The following PRKDC variants were observed in gnomAD, a reference collection of about 807,000 sequenced individuals.
The protein encoded by PRKDC is DNA-dependent protein kinase catalytic subunit.
PRKDC carries 82 observed loss-of-function variants against 486.9 expected under a neutral mutation model. The observed-to-expected ratio is 0.17, with a 90% CI of 0.14 to 0.20. The LOEUF is 0.20. Among genes scored for constraint, PRKDC ranks in the 10% least tolerant of loss-of-function variants. The probability of loss-of-function intolerance (pLI) is 1.00; values close to 1 mark genes in which losing one functional copy is unlikely to be tolerated. For synonymous variants in PRKDC, 1,895 were observed against 1,837.0 expected (o/e 1.03, Z -0.81); for missense variants, 4,504 against 5,038.2 (o/e 0.89, Z 3.21).
At position 47,790,132 on chromosome 8, in the gene PRKDC, C is replaced by A. The variant is rs2086860347; in HGVS notation, c.10671-894G>T. Among the ~76,000 whole-genome samples the A allele has an allele frequency of 2.6e-5, 4 of 152,272 alleles. 1 individual carries two copies. The South Asian group carries it at 8.3e-4, about 32-fold the overall frequency. On this transcript the variant is annotated intron_variant, in intron 74 of 85. Transcript: ENST00000314191. ...GAAGAAGTCAAATTATCCTTGCTTG[C>A]AGATGATACGATCTTATATTTGGAG...
At chr8:47,933,421 C>T (rs973099388) in intron 15 of PRKDC, among the ~76,000 whole-genome samples, 1 of 152,136 alleles carries the variant, frequency 6.6e-6, no homozygotes, top group Admixed American at 6.5e-5. Flanking sequence ...CTGTATACAG[C>T]AGTAAGTGAG....
At chr8:47,832,084 T>C (rs1488992234) in intron 59 of PRKDC, among the ~76,000 whole-genome samples, 158 bp from the exon 60 acceptor site, 1 of 152,162 alleles carries the variant, frequency 6.6e-6, no homozygotes, top group Non-Finnish European at 1.5e-5. Flanking sequence ...CAACTGGAAC[T>C]GCTCAGCAGT....
At chr8:47,935,924 G>A (rs375949104) in intron 12 of PRKDC, 24 bp from the exon 13 acceptor site, 42 of 1,598,538 alleles carry the variant, frequency 2.6e-5, no homozygotes, top group African/African-American at 9.4e-5. Flanking sequence ...TCAGCAAACC[G>A]TGAGTTAGAG....
chr8:47,855,895 C>T (rs1474473542), intron 49 of PRKDC, among the ~76,000 whole-genome samples: 2 of 152,212 alleles, frequency 1.3e-5, no homozygotes, highest in African/African-American at 4.8e-5. Flanking sequence ...GAGTCTCCCT[C>T]CAGTGTTAGC....
chr8:47,857,932 C>G (rs1055786743), intron 48 of PRKDC, among the ~76,000 whole-genome samples: 1 of 152,136 alleles, frequency 6.6e-6, no homozygotes, highest in Admixed American at 6.5e-5. Flanking sequence ...TCTGGATGGC[C>G]TGGCCTGGCT....
At chr8:47,841,009 G>A (rs1274134290) in intron 54 of PRKDC, among the ~76,000 whole-genome samples, 1 of 152,204 alleles carries the variant, frequency 6.6e-6, no homozygotes, top group Admixed American at 6.5e-5. Context: ...AGACACTGAG[G>A]CTGAAGAGGG....
At position 47,782,366 on chromosome 8, in the gene PRKDC, C is replaced by T. The variant is rs751762345; in HGVS notation, c.11396+12G>A. The T allele has an allele frequency of 1.2e-6, 2 of 1,606,990 alleles. No homozygotes were observed. The highest frequency in any genetic ancestry group is 2.7e-5 in the African/African-American group (2 of 74,844). ...GCAGCAGCCTACTGGCTGGGAGCAG[C>T]CTGGCAGTTACCTGGAGGTCATGGG... On this transcript the variant is annotated intron_variant, in intron 79 of 85. Transcript: ENST00000314191. This position sits in a 1 kb window ranked among gnomAD's most constrained non-coding sequence, Gnocchi z 4.9.
chr8:47,824,999 C>A (rs1379696313), intron 63 of PRKDC, among the ~76,000 whole-genome samples: 1 of 152,128 alleles, frequency 6.6e-6, no homozygotes, highest in Non-Finnish European at 1.5e-5. Flanking sequence ...TCAATAAAAT[C>A]TAGTAGATGC....
At chr8:47,817,378 G>A in intron 68 of PRKDC, 72 bp downstream of exon 68, 3 of 1,095,432 alleles carry the variant, frequency 2.7e-6, no homozygotes, top group Non-Finnish European at 4.0e-6. Context: ...TCTAAACCAT[G>A]GTTTGGAAGA....
rs776141589 is a variant in PRKDC at position 47,864,590 on chromosome 8, T to A, written c.5537A>T (p.Asp1846Val). The stretch of plus-strand genomic sequence containing the variant: ...CCTGGACTTCAACACATCAATGGCA[T>A]CCACCACAATTGTGCTGAAGAATTC... ...LREFFSTIVV[D>V]AIDVLKSRFT... The change falls in exon 41 of 86, where the codon GAT becomes GTT. Residue 1846 changes from aspartate (D) to valine (V), a missense_variant. This residue lies in a region of PRKDC where 1,969 missense variants were observed against 2,068.9 expected (regional missense o/e 0.95). Transcript: ENST00000314191. 21 of 1,610,250 alleles carry A rather than the reference T, an allele frequency of 1.3e-5. No homozygotes were observed. Among genetic ancestry groups the A allele is most frequent in the Non-Finnish European group, 9.3e-6 (11 of 1,178,684 alleles).
intron 58 of PRKDC, among the ~76,000 whole-genome samples, chr8:47,835,620 C>CCA (rs1554631910): frequency 5.9e-4 from 12 of 20,478 alleles, no homozygotes; most frequent in African/African-American, 1.9e-3. Context: ...GACTCTGTCT[C>CCA]AAAAAAAAAA....
At chr8:47,839,864 C>T (rs1011752808) in intron 55 of PRKDC, among the ~76,000 whole-genome samples, 152 bp downstream of exon 55, 7 of 152,302 alleles carry the variant, frequency 4.6e-5, no homozygotes, top group Non-Finnish European at 8.8e-5. Flanking sequence ...GACCCAGCTA[C>T]GCAAAAGGCT....
intron 27 of PRKDC, among the ~76,000 whole-genome samples, chr8:47,901,496 T>A (rs1231439908): frequency 6.6e-6 from 1 of 151,408 alleles, no homozygotes; most frequent in African/African-American, 2.4e-5. Context: ...CAAAAAAAAA[T>A]AGAAAAGAAA....
At position 47,840,123 on chromosome 8, in the gene PRKDC, T is replaced by C. The variant is rs778083975; in HGVS notation, c.7347A>G (p.Val2449=). ...IYKMMPKLKP[V]ELRELLNPVV... ...CGGGGTTCAGAAGTTCTCGGAGTTCTACTGGTTTTAACTTTGGCATCATCT... is the reference window on the plus strand; with the variant it reads ...CGGGGTTCAGAAGTTCTCGGAGTTCCACTGGTTTTAACTTTGGCATCATCT... The change falls in exon 55 of 86, where the codon GTA becomes GTG. Residue 2449 remains valine, a synonymous_variant. Transcript: ENST00000314191. 5.3e-5 allele frequency: 84 copies of C among 1,597,194 alleles called. No homozygotes were observed. The East Asian group carries it at 1.8e-3, about 35-fold the overall frequency.
chr8:47,842,037 A>T (rs993817542), intron 54 of PRKDC, among the ~76,000 whole-genome samples: 1 of 152,062 alleles, frequency 6.6e-6, no homozygotes, highest in Non-Finnish European at 1.5e-5. Context: ...CCAGAGACAT[A>T]CCCCACAACC....
intron 30 of PRKDC, 145 bp from the exon 31 acceptor site, chr8:47,893,532 G>C: frequency 1.2e-6 from 1 of 856,976 alleles, no homozygotes. Flanking sequence ...TTACTTCCAA[G>C]AAGGTATTTC....
At chr8:47,841,264 C>T (rs2088136088) in intron 54 of PRKDC, among the ~76,000 whole-genome samples, 1 of 152,202 alleles carries the variant, frequency 6.6e-6, no homozygotes, top group East Asian at 1.9e-4. Context: ...TGTGGAGCAG[C>T]TCCAGCAAAT....
At chr8:47,889,787 G>A (rs1314952438) in intron 32 of PRKDC, among the ~76,000 whole-genome samples, 2 of 152,182 alleles carry the variant, frequency 1.3e-5, no homozygotes, top group African/African-American at 4.8e-5. Context: ...AAAGTTTCAT[G>A]ATTTTCAATA....
chr8:47,836,447 G>A lies in PRKDC; in HGVS notation c.7842C>T (p.Gly2614=), dbSNP rs1367456571. ...CTTCCTGGGTACGGGTCTGGAGAGTGCCCTGGGAGGCCTGGGTCTCCACAA... is the reference window on the plus strand; with the variant it reads ...CTTCCTGGGTACGGGTCTGGAGAGTACCCTGGGAGGCCTGGGTCTCCACAA... ...PMFVETQASQ[G]TLQTRTQEGS... is the part of the protein sequence containing the mutation. Residue 2614 remains glycine, a synonymous_variant, in exon 58 of 86, where the codon GGC becomes GGT. Coordinates refer to ENST00000314191, the MANE Select transcript of PRKDC (RefSeq NM_006904.7). 2.5e-6 allele frequency: 4 copies of A among 1,612,372 alleles called. No individual in the cohort carries two copies. Among genetic ancestry groups the A allele is most frequent in the Non-Finnish European group, 3.4e-6 (4 of 1,179,284 alleles).
Sources: allele counts gnomAD v4.1 joint callset (sites outside exome capture counted in the v4.1 genomes callset), GRCh38; gene constraint gnomAD v4.1.1; regional missense constraint gnomAD v4.1.1; non-coding constraint Gnocchi (gnomAD v3.1); transcripts MANE v1.5; gene names NCBI Gene and HGNC (gene_info 2026-07-23, HGNC 2026-07-21).